The following MAGI1 variants were observed in gnomAD, a reference collection of about 807,000 sequenced individuals.
MAGI1 encodes membrane-associated guanylate kinase, WW and PDZ domain-containing protein 1.
MAGI1 carries 58 observed loss-of-function variants against 139.9 expected under a neutral mutation model. The observed-to-expected ratio is 0.41, with a 90% CI of 0.34 to 0.52. MAGI1 has a LOEUF of 0.52. Ranked by LOEUF, MAGI1 falls within the 20% of genes least tolerant of loss-of-function variation. The pLI is 0.12. For missense variants in MAGI1, 1,874 were observed against 1,901.6 expected (o/e 0.99, Z 0.27); for synonymous variants, 812 against 737.9 (o/e 1.10, Z -1.63).
At chr3:65,399,350 G>T (rs965144781) in intron 13 of MAGI1, among the ~76,000 whole-genome samples, 7 of 152,040 alleles carry the variant, frequency 4.6e-5, no homozygotes, top group African/African-American at 7.3e-5. Flanking sequence ...ATTCAAACTG[G>T]GAAAGGGAAA....
At chr3:65,453,739 C>G (rs991108852) in intron 5 of MAGI1, among the ~76,000 whole-genome samples, 1 of 152,088 alleles carries the variant, frequency 6.6e-6, no homozygotes, top group Non-Finnish European at 1.5e-5. Context: ...GATGCTGAAA[C>G]TCACAAAGAG....
chr3:66,010,711 G>A (rs879915480), intron 1 of MAGI1, among the ~76,000 whole-genome samples: 4 of 152,138 alleles, frequency 2.6e-5, no homozygotes, highest in East Asian at 3.9e-4. Context: ...AGAATTTCCA[G>A]TTTGTGGTAT....
intron 10 of MAGI1, among the ~76,000 whole-genome samples, chr3:65,431,835 A>AG (rs61691152): frequency 3.1e-4 from 47 of 152,008 alleles, no homozygotes; most frequent in African/African-American, 1.1e-3. Context: ...AAAAAAAAAA[A>AG]TACAAAAATT....
In MAGI1 at chr3:65,750,749, C is replaced by T. The variant is rs564757392; in HGVS notation, c.314-128661G>A. ...ATGTGTATTTTTTACAAGTTCCCCG[C>T]AAGGTATTTTACATACGCTGAAAGT... On this transcript the variant is annotated intron_variant, in intron 1 of 22. Coordinates refer to ENST00000402939, the MANE Select transcript of MAGI1 (RefSeq NM_001033057.2). Among the ~76,000 whole-genome samples the T allele has an allele frequency of 5.9e-5, 9 of 152,270 alleles. No individual in the cohort carries two copies. In the South Asian group the frequency reaches 1.9e-3, roughly 32 times the overall value.
chr3:65,493,305 T>C (rs1952192177), intron 3 of MAGI1, among the ~76,000 whole-genome samples: 1 of 152,262 alleles, frequency 6.6e-6, no homozygotes, highest in African/African-American at 2.4e-5. Context: ...AGAAAACTCC[T>C]AGAGAAAAAC....
At chr3:65,700,682 T>C (rs1441014283) in intron 1 of MAGI1, among the ~76,000 whole-genome samples, 2 of 152,196 alleles carry the variant, frequency 1.3e-5, no homozygotes, top group Non-Finnish European at 2.9e-5. Context: ...GCAGTTCTGA[T>C]AATTAGTAGG....
At chr3:65,516,753 A>C (rs2077907210) in intron 2 of MAGI1, among the ~76,000 whole-genome samples, 1 of 85,046 alleles carries the variant, frequency 1.2e-5, no homozygotes, top group African/African-American at 4.7e-5. Flanking sequence ...TTTGAGACGG[A>C]GTCTCGCTCT....
At chr3:65,887,601 A>G (rs1053206044) in intron 1 of MAGI1, among the ~76,000 whole-genome samples, 2 of 152,194 alleles carry the variant, frequency 1.3e-5, no homozygotes, top group Non-Finnish European at 2.9e-5. Flanking sequence ...AGACAGAGAC[A>G]GTAAACATAA....
intron 2 of MAGI1, among the ~76,000 whole-genome samples, chr3:65,566,861 T>G (rs750929564): frequency 8.6e-5 from 13 of 150,996 alleles, no homozygotes; most frequent in Non-Finnish European, 1.8e-4. Flanking sequence ...CCTCCCAAAG[T>G]GCTGGGATTA....
intron 1 of MAGI1, among the ~76,000 whole-genome samples, chr3:65,626,652 G>A (rs2083987130): frequency 6.6e-6 from 1 of 152,056 alleles, no homozygotes; most frequent in Non-Finnish European, 1.5e-5. Context: ...ATAAGCTCTT[G>A]GTTTACACCT....
chr3:65,651,251 G>A (rs958844753), intron 1 of MAGI1, among the ~76,000 whole-genome samples: 2 of 152,084 alleles, frequency 1.3e-5, no homozygotes, highest in Non-Finnish European at 2.9e-5. Context: ...GGTGTACAAG[G>A]AACCTGCCTG....
In MAGI1 at chr3:65,453,061, T is replaced by C. The variant is rs150355345; in HGVS notation, c.1042+197A>G. Reference sequence around the variant, plus strand: ...AGATATTAGTAAGCATCTGTCTTTATGTGTAAACAAATTCTTCTCTTGAAA... The same window carrying C: ...AGATATTAGTAAGCATCTGTCTTTACGTGTAAACAAATTCTTCTCTTGAAA... On this transcript the variant is annotated intron_variant, in intron 6 of 22. Coordinates refer to ENST00000402939, the MANE Select transcript of MAGI1 (RefSeq NM_001033057.2). 50 of 582,868 alleles carry C rather than the reference T, an allele frequency of 8.6e-5. No individual in the cohort carries two copies. The African/African-American group carries it at 8.7e-4, about 10-fold the overall frequency. 36.1% of individuals were successfully genotyped at this position (582,868 alleles called of 1,614,324 possible).
At chr3:65,717,548 T>C (rs2032422455) in intron 1 of MAGI1, 1 of 152,216 alleles carries the variant, frequency 6.6e-6, no homozygotes, top group Admixed American at 6.5e-5. Context: ...ATGACAAAGA[T>C]TTCAGAGCAC....
intron 1 of MAGI1, among the ~76,000 whole-genome samples, chr3:66,035,538 T>G (rs186133474): frequency 6.6e-6 from 1 of 152,308 alleles, no homozygotes; most frequent in East Asian, 1.9e-4. Context: ...AGGGCCATCA[T>G]TACTGGTAAT....
At chr3:65,854,015 G>A (rs1223272435) in intron 1 of MAGI1, among the ~76,000 whole-genome samples, 2 of 152,098 alleles carry the variant, frequency 1.3e-5, no homozygotes, top group African/African-American at 4.8e-5. Flanking sequence ...GGCTGAAGCA[G>A]GAGAATCACT....
chr3:66,009,893 T>C (rs2067231611), intron 1 of MAGI1, among the ~76,000 whole-genome samples: 1 of 151,724 alleles, frequency 6.6e-6, no homozygotes, highest in Non-Finnish European at 1.5e-5. Flanking sequence ...CTGGTTAACA[T>C]GGTGAAACCC....
rs150401386 is a variant in MAGI1 at position 65,691,759 on chromosome 3, T to C, written c.314-69671A>G. On this transcript the variant is annotated intron_variant, in intron 1 of 22. Transcript: ENST00000402939. ...GTTCCAGAAGTTATACTGTCAGCAT[T>C]ATAGTACATTTATCAATTCTGTATT... is the stretch of plus-strand genomic sequence containing the variant. Among the ~76,000 whole-genome samples the C allele has an allele frequency of 5.9e-3, 901 of 152,288 alleles. 5 individuals carry two copies. The highest frequency in any genetic ancestry group is 0.02 in the African/African-American group (842 of 41,548).
At chr3:65,733,416 T>C (rs548023886) in intron 1 of MAGI1, among the ~76,000 whole-genome samples, 3 of 152,326 alleles carry the variant, frequency 2.0e-5, no homozygotes, top group East Asian at 1.9e-4. Context: ...AAAATCTCTA[T>C]ATTTTAGAAT....
intron 1 of MAGI1, among the ~76,000 whole-genome samples, chr3:65,963,275 G>C (rs2064547005): frequency 7.1e-6 from 1 of 140,532 alleles, no homozygotes; most frequent in Non-Finnish European, 1.5e-5. Context: ...GCGCACCACT[G>C]CACTCCAGCC....
Sources: gnomAD v4.1 joint callset for allele counts (sites outside exome capture counted in the v4.1 genomes callset) on GRCh38, gnomAD v4.1.1 for gene constraint, MANE v1.5 for transcripts, NCBI Gene and HGNC (gene_info 2026-07-23, HGNC 2026-07-21) for gene names.